HPSE: variants seen among roughly 807,000 people sequenced by gnomAD.
HPSE encodes heparanase.
A neutral mutation model predicts 65.1 loss-of-function variants in HPSE; 48 were observed. The observed-to-expected ratio is 0.74, with a 90% CI of 0.58 to 0.94. The LOEUF is 0.94. HPSE is among the 40% of genes least tolerant of loss of function. The pLI, the probability that HPSE is intolerant of heterozygous loss-of-function variation, is 0.00. For missense variants in HPSE, 644 were observed against 637.5 expected, an observed-to-expected ratio of 1.01 and a Z score of -0.11; for synonymous variants, 243 against 260.0, an observed-to-expected ratio of 0.93 and a Z score of 0.63.
chr4:83,310,202 C>A (rs1736313233), intron 5 of HPSE, 124 bp from the exon 6 acceptor site: 1 of 621,914 alleles, frequency 1.6e-6, no homozygotes, highest in Non-Finnish European at 2.8e-6. Context: ...ACACAAACTT[C>A]CTAATTTTGA....
chr4:83,316,969 C>T (rs770534633), intron 3 of HPSE, among the ~76,000 whole-genome samples: 4 of 152,108 alleles, frequency 2.6e-5, no homozygotes, highest in African/African-American at 4.8e-5. Flanking sequence ...GGCGCAATCT[C>T]GGCTCACCAC....
In HPSE at chr4:83,322,322, C is replaced by CCTGTCAGAG. The variant is rs1736937306; in HGVS notation, c.269_270insCTCTGACAG (p.Ala90_Tyr91insSerAspArg). On this transcript the variant is annotated inframe_insertion, in exon 2 of 12. Coordinates refer to ENST00000311412, the MANE Select transcript of HPSE (RefSeq NM_001098540.3). ...TCTTGGTGCCACCAAACCTCAGGTA[C>CCTGTCAGAG]GCAGGAGACAAGCCTCTGGCCAAGG... The CCTGTCAGAG allele has an allele frequency of 4.3e-6, 7 of 1,613,458 alleles. No homozygotes were observed. Among genetic ancestry groups the CCTGTCAGAG allele is most frequent in the Non-Finnish European group, 5.9e-6 (7 of 1,179,636 alleles).
chr4:83,334,558 C>A lies in HPSE; in HGVS notation c.225G>T (p.Leu75=). The change falls in exon 1 of 12, where the codon CTG becomes CTT. Residue 75 remains leucine (L), a splice_region_variant and synonymous_variant. Transcript: ENST00000311412. ...AGGACCAGGAGGCTGGCGCTTACCC[C>A]AGGAGGATGAGGAACCGCGGGTCCG... ...LATDPRFLIL[L]GSPKLRTLAR... The A allele has an allele frequency of 6.3e-7, 1 of 1,578,916 alleles. No individual in the cohort carries two copies. The highest frequency in any genetic ancestry group is 8.6e-7 in the Non-Finnish European group (1 of 1,162,338).
rs901980148 is a variant in HPSE at position 83,326,645 on chromosome 4, G to A, written c.228-4281C>T. Reference sequence around the variant, plus strand: ...GCGAGTCCTCAGTAGAAATGTCAGGGACTGGCAACCCCTAGCTCACAGGTC... The same window carrying A: ...GCGAGTCCTCAGTAGAAATGTCAGGAACTGGCAACCCCTAGCTCACAGGTC... On this transcript the variant is annotated intron_variant, in intron 1 of 11. Coordinates refer to ENST00000311412, the MANE Select transcript of HPSE (RefSeq NM_001098540.3). This position sits in a 1 kb window ranked among gnomAD's most constrained non-coding sequence, Gnocchi z 4.2. Among the ~76,000 whole-genome samples, 4 of 152,204 alleles carry A rather than the reference G, an allele frequency of 2.6e-5. No homozygotes were observed. The highest frequency in any genetic ancestry group is 5.9e-5 in the Non-Finnish European group (4 of 68,030).
intron 2 of HPSE, among the ~76,000 whole-genome samples, chr4:83,321,013 A>G (rs1028553392): frequency 6.6e-6 from 1 of 152,204 alleles, no homozygotes; most frequent in Non-Finnish European, 1.5e-5. Flanking sequence ...CAGCCTGGAT[A>G]ACATAGAAAG....
intron 9 of HPSE, among the ~76,000 whole-genome samples, chr4:83,302,928 T>C (rs574265519): frequency 6.6e-6 from 1 of 152,298 alleles, no homozygotes; most frequent in African/African-American, 2.4e-5. Flanking sequence ...TGAGCCGTGA[T>C]TGTGCCACTG....
chr4:83,299,909 C>A (rs1735877454), intron 11 of HPSE, among the ~76,000 whole-genome samples: 1 of 151,982 alleles, frequency 6.6e-6, no homozygotes, highest in Non-Finnish European at 1.5e-5. Context: ...TGCCATATTG[C>A]CCAGGCTGGT....
intron 11 of HPSE, among the ~76,000 whole-genome samples, chr4:83,297,550 A>G (rs941259059): frequency 1.2e-4 from 18 of 152,202 alleles, no homozygotes; most frequent in African/African-American, 4.3e-4. Flanking sequence ...TAGCATTATT[A>G]TATATTTGTT....
At chr4:83,314,740 TA>T (rs554087042) in intron 3 of HPSE, among the ~76,000 whole-genome samples, 1 of 152,324 alleles carries the variant, frequency 6.6e-6, no homozygotes, top group African/African-American at 2.4e-5. Context: ...CTCTTGTAGT[TA>T]AAAAAGAAAG....
chr4:83,303,038 A>G (rs1283135613), intron 9 of HPSE, among the ~76,000 whole-genome samples: 12 of 152,176 alleles, frequency 7.9e-5, no homozygotes, highest in Non-Finnish European at 7.3e-5. Context: ...CCCCACCCCA[A>G]TAAAGTAATG....
At chr4:83,313,424 T>C (rs1253244737) in intron 3 of HPSE, 137 bp from the exon 4 acceptor site, 1 of 578,004 alleles carries the variant, frequency 1.7e-6, no homozygotes, top group Non-Finnish European at 2.9e-6. Flanking sequence ...TATAATTATG[T>C]TTTTGAGACA....
intron 11 of HPSE, among the ~76,000 whole-genome samples, chr4:83,298,654 A>G (rs1045902443): frequency 3.3e-5 from 5 of 151,984 alleles, no homozygotes; most frequent in African/African-American, 7.2e-5. Flanking sequence ...ATAATGAGAC[A>G]TCGTCTCTAC....
At chr4:83,313,963 C>T (rs1015256815) in intron 3 of HPSE, among the ~76,000 whole-genome samples, 3 of 152,048 alleles carry the variant, frequency 2.0e-5, no homozygotes, top group African/African-American at 7.2e-5. Context: ...AGAAATACTT[C>T]GCACAGGGGC....
chr4:83,329,507 A>C (rs1737284479), intron 1 of HPSE, among the ~76,000 whole-genome samples: 1 of 152,132 alleles, frequency 6.6e-6, no homozygotes, highest in Admixed American at 6.5e-5. Context: ...GGAGGTATTT[A>C]AAAATTGTTA....
intron 9 of HPSE, among the ~76,000 whole-genome samples, chr4:83,305,274 C>T (rs1039515111): frequency 3.9e-4 from 60 of 152,164 alleles, no homozygotes; most frequent in African/African-American, 1.3e-3. Flanking sequence ...AATTACTATG[C>T]TTAGTTTAAC....
At chr4:83,335,140 G>T (rs913544388), upstream of HPSE, 3 of 224,770 alleles carry the variant, frequency 1.3e-5, no homozygotes, top group East Asian at 9.1e-5. Context: ...GGAGCGCCCG[G>T]GGAGCAGCGC....
chr4:83,298,426 C>T (rs1252924926), intron 11 of HPSE, among the ~76,000 whole-genome samples: 1 of 151,340 alleles, frequency 6.6e-6, no homozygotes, highest in Non-Finnish European at 1.5e-5. Flanking sequence ...TGCGTGAGTC[C>T]AGGAGTTCAA....
At chr4:83,330,716 G>T (rs1310434005) in intron 1 of HPSE, among the ~76,000 whole-genome samples, 1 of 152,194 alleles carries the variant, frequency 6.6e-6, no homozygotes, top group African/African-American at 2.4e-5. Flanking sequence ...AAGCATGGTT[G>T]CATTATCACT....
At chr4:83,333,700 T>C (rs1465285687) in intron 1 of HPSE, among the ~76,000 whole-genome samples, 1 of 152,186 alleles carries the variant, frequency 6.6e-6, no homozygotes, top group African/African-American at 2.4e-5. Flanking sequence ...TTAGAGCTGA[T>C]AAGGCAGCAC....
Sources: allele counts gnomAD v4.1 joint callset (sites outside exome capture counted in the v4.1 genomes callset), GRCh38; gene constraint gnomAD v4.1.1; non-coding constraint Gnocchi (gnomAD v3.1); transcripts MANE v1.5; gene names NCBI Gene and HGNC (gene_info 2026-07-23, HGNC 2026-07-21).